The following KRT86 variants were observed in gnomAD, a reference collection of about 807,000 sequenced individuals.
KRT86 encodes keratin 86, also known as keratin, type II cuticular Hb6.
KRT86 carries 30 observed loss-of-function variants against 41.2 expected under a neutral mutation model. That is an observed-to-expected ratio of 0.73 (90% CI 0.54 to 0.99). KRT86 has a LOEUF of 0.99. Among genes scored for constraint, KRT86 ranks in the 50% least tolerant of loss-of-function variants. KRT86 has a pLI of 0.00. For missense variants in KRT86, 561 were observed against 571.4 expected, an observed-to-expected ratio of 0.98 and a Z score of 0.19; for synonymous variants, 238 against 238.1, an observed-to-expected ratio of 1.00 and a Z score of 0.00.
chr12:52,286,039 T>C, intron 2 of KRT86: 1 of 589,258 alleles, frequency 1.7e-6, no homozygotes, highest in South Asian at 2.0e-5. Flanking sequence ...TTCCTATGGG[T>C]GCCAGCGGAC....
rs556617198 is a variant in KRT86, at chr12:52,308,127, T to A, written c.1248-106T>A. 5.8e-5 allele frequency: 86 copies of A among 1,481,984 alleles called. No homozygotes were observed. The South Asian group carries it at 9.1e-4, about 16-fold the overall frequency. 91.8% of individuals were successfully genotyped at this position (1,481,984 alleles called of 1,614,324 possible). On this transcript the variant is annotated intron_variant, in intron 9 of 10. Coordinates refer to ENST00000423955, the MANE Select transcript of KRT86 (RefSeq NM_001320198.2). ...CCGAGAGCATTTCTTGCCCCTTCCC[T>A]TGGGCAAGTGCCCAGATGGAGGGCC...
At chr12:52,296,713 C>T (rs756907291) in intron 2 of KRT86, among the ~76,000 whole-genome samples, 3 of 152,232 alleles carry the variant, frequency 2.0e-5, no homozygotes, top group Non-Finnish European at 2.9e-5. Flanking sequence ...CCATTATCAA[C>T]ATCTCAACAT....
intron 2 of KRT86, chr12:52,285,857 A>G: frequency 3.8e-6 from 1 of 262,728 alleles, no homozygotes; most frequent in South Asian, 4.9e-5. Flanking sequence ...GACTTTGGGG[A>G]CCCTCCCTAA....
At chr12:52,278,430 A>G (rs1937690058) in intron 2 of KRT86, among the ~76,000 whole-genome samples, 1 of 137,790 alleles carries the variant, frequency 7.3e-6, no homozygotes, top group Non-Finnish European at 1.5e-5. Context: ...CAGGCCAAAG[A>G]AAGTGTAGTT....
chr12:52,288,977 C>G (rs561434432), intron 2 of KRT86, among the ~76,000 whole-genome samples: 2 of 139,626 alleles, frequency 1.4e-5, no homozygotes, highest in East Asian at 4.3e-4. Flanking sequence ...GCAGGACACA[C>G]AGAGGACAGT....
At chr12:52,288,246 C>T in intron 2 of KRT86, 2 of 1,595,242 alleles carry the variant, frequency 1.3e-6, no homozygotes, top group Non-Finnish European at 1.7e-6. Flanking sequence ...CCCAACCCTG[C>T]CCCCTCACAC....
At chr12:52,295,738 G>A (rs1938234535) in intron 2 of KRT86, among the ~76,000 whole-genome samples, 1 of 152,242 alleles carries the variant, frequency 6.6e-6, no homozygotes, top group Non-Finnish European at 1.5e-5. Context: ...TTGTCACATA[G>A]TAGGTGCTCA....
intron 2 of KRT86, chr12:52,286,784 T>C (rs768970768): frequency 2.2e-5 from 35 of 1,613,902 alleles, no homozygotes; most frequent in Non-Finnish European, 3.0e-5. Context: ...GGACCCCAAA[T>C]ACTCACAGAC....
Position 52,274,781 on chromosome 12 carries a change from C to T in KRT86, c.-131+59C>T. 4 of 973,684 alleles carry T rather than the reference C, an allele frequency of 4.1e-6. No individual in the cohort carries two copies. The South Asian group carries it at 1.9e-4, about 46-fold the overall frequency. 60.3% of individuals were successfully genotyped at this position (973,684 alleles called of 1,614,324 possible). A position where few individuals can be genotyped will look rare whatever the true frequency, so the allele number is the denominator to read the frequency against. On this transcript the variant is annotated intron_variant, in intron 1 of 10. Transcript: ENST00000423955. Reference sequence around the variant, plus strand: ...AGGGATGAGGTGTCTTGGACTTCACCCAGATCTGTTGGGCATACAGCTTTT... The same window carrying T: ...AGGGATGAGGTGTCTTGGACTTCACTCAGATCTGTTGGGCATACAGCTTTT...
chr12:52,296,346 T>G, intron 2 of KRT86, among the ~76,000 whole-genome samples: 1 of 150,214 alleles, frequency 6.7e-6, no homozygotes, highest in African/African-American at 2.5e-5. Context: ...GAGGAGGAGG[T>G]GGATGGGGGA....
At chr12:52,279,024 C>T (rs1006814871) in intron 2 of KRT86, 1 of 152,246 alleles carries the variant, frequency 6.6e-6, no homozygotes, top group Admixed American at 6.6e-5. Context: ...GCAAGTCTGT[C>T]TTCTGGGGCT....
At chr12:52,299,155 G>A (rs973852316) in intron 2 of KRT86, among the ~76,000 whole-genome samples, 3 of 152,120 alleles carry the variant, frequency 2.0e-5, no homozygotes, top group Non-Finnish European at 4.4e-5. Context: ...TCTATCTGAT[G>A]AGATCAATTT....
chr12:52,294,202 G>A (rs867398517), intron 2 of KRT86, among the ~76,000 whole-genome samples: 4 of 152,274 alleles, frequency 2.6e-5, no homozygotes, highest in African/African-American at 7.2e-5. Flanking sequence ...GTAAACCAGC[G>A]GTTGGGTGTC....
chr12:52,308,669 C>G lies in KRT86; in HGVS notation c.*84C>G. ...CGCCACCAGAACGCGCCGCCCGCGC[C>G]GGCCTCCCAATAGCCGCCGCCCGCT... On this transcript the variant is annotated 3_prime_UTR_variant, in exon 11 of 11. Transcript: ENST00000423955. 7.2e-7 allele frequency: 1 copy of G among 1,392,836 alleles called. No homozygotes were observed. The allele number at this position is 1,392,836 out of a possible 1,614,324, so 86.3% of individuals were successfully genotyped here.
intron 2 of KRT86, among the ~76,000 whole-genome samples, chr12:52,300,646 A>T (rs926456829): frequency 6.6e-6 from 1 of 152,186 alleles, no homozygotes; most frequent in African/African-American, 2.4e-5. Flanking sequence ...ACAAATATAG[A>T]TCTGTTCTCT....
intron 2 of KRT86, chr12:52,288,408 C>T (rs1432047457): frequency 6.2e-7 from 1 of 1,614,172 alleles, no homozygotes; most frequent in Admixed American, 1.7e-5. Context: ...ATCAGGGCCT[C>T]CACGTTGGCC....
intron 2 of KRT86, among the ~76,000 whole-genome samples, chr12:52,280,588 G>A (rs915435251): frequency 6.6e-6 from 1 of 152,170 alleles, no homozygotes; most frequent in African/African-American, 2.4e-5. Flanking sequence ...CTCTTCTTGT[G>A]TAAACAGAAA....
At chr12:52,294,972 C>T (rs1938216277) in intron 2 of KRT86, among the ~76,000 whole-genome samples, 1 of 152,160 alleles carries the variant, frequency 6.6e-6, no homozygotes, top group African/African-American at 2.4e-5. Context: ...GGATTGCACT[C>T]ATTGCATGGC....
intron 2 of KRT86, among the ~76,000 whole-genome samples, chr12:52,276,293 A>C (rs1942558232): frequency 6.6e-6 from 1 of 152,222 alleles, no homozygotes; most frequent in Non-Finnish European, 1.5e-5. Context: ...GCAAGATATT[A>C]CCTAGAAACC....
Sources: gnomAD v4.1 joint callset for allele counts (sites outside exome capture counted in the v4.1 genomes callset) on GRCh38, gnomAD v4.1.1 for gene constraint, MANE v1.5 for transcripts, NCBI Gene and HGNC (gene_info 2026-07-23, HGNC 2026-07-21) for gene names.